ZNF385D: variants seen among roughly 807,000 people sequenced by gnomAD.
ZNF385D encodes zinc finger protein 659.
A neutral mutation model predicts 35.8 loss-of-function variants in ZNF385D; 15 were observed. That is an observed-to-expected ratio of 0.42 (90% CI 0.28 to 0.64). ZNF385D has a LOEUF of 0.64. Among genes scored for constraint, ZNF385D ranks in the 30% least tolerant of loss-of-function variants. The probability of loss-of-function intolerance (pLI) is 0.23; values close to 1 mark genes in which losing one functional copy is unlikely to be tolerated. For missense variants in ZNF385D, 474 were observed against 494.6 expected, an observed-to-expected ratio of 0.96 and a Z score of 0.39; for synonymous variants, 212 against 186.8, an observed-to-expected ratio of 1.13 and a Z score of -1.10.
At chr3:22,056,482 TAGTG>T (rs1006163722) in intron 3 of ZNF385D, among the ~76,000 whole-genome samples, 1 of 152,202 alleles carries the variant, frequency 6.6e-6, no homozygotes, top group South Asian at 2.1e-4. Context: ...GATAAAACTG[TAGTG>T]AGTATTAGGA....
chr3:21,667,112 C>T (rs1481472085), intron 1 of ZNF385D, among the ~76,000 whole-genome samples: 2 of 152,050 alleles, frequency 1.3e-5, no homozygotes, highest in Non-Finnish European at 2.9e-5. Context: ...AAGATTTGGT[C>T]GAAATCAGTG....
At chr3:21,909,119 T>A (rs1699836347) in intron 3 of ZNF385D, among the ~76,000 whole-genome samples, 1 of 152,074 alleles carries the variant, frequency 6.6e-6, no homozygotes, top group South Asian at 2.1e-4. Context: ...ACACAGATGT[T>A]CAATTTCTTT....
intron 4 of ZNF385D, among the ~76,000 whole-genome samples, chr3:21,467,963 A>T (rs1000064790): frequency 1.1e-4 from 16 of 152,238 alleles, no homozygotes; most frequent in African/African-American, 3.9e-4. Context: ...ATAGGTACAA[A>T]TAAGACTTGT....
intron 3 of ZNF385D, among the ~76,000 whole-genome samples, chr3:22,047,968 G>C (rs1460326690): frequency 1.3e-5 from 2 of 152,016 alleles, no homozygotes; most frequent in Admixed American, 1.3e-4. Flanking sequence ...AGCTCATTGT[G>C]GATTTAATTT....
At chr3:21,563,205 ACCATGTGAAAATACAGTGAAAATATG>A (rs1319977514) in intron 3 of ZNF385D, 1 of 152,188 alleles carries the variant, frequency 6.6e-6, no homozygotes, top group African/African-American at 2.4e-5. Context: ...TATCCCTTCC[ACCATGTGAAAATACAGTGAAAATATG>A]CCATGTGGGA....
At chr3:21,669,781 G>A (rs1296349534) in intron 1 of ZNF385D, among the ~76,000 whole-genome samples, 2 of 152,162 alleles carry the variant, frequency 1.3e-5, no homozygotes, top group Non-Finnish European at 2.9e-5. Flanking sequence ...TCTGAAAGCA[G>A]TCAATCAAGA....
intron 1 of ZNF385D, among the ~76,000 whole-genome samples, chr3:21,710,471 T>A (rs1285651178): frequency 6.6e-6 from 1 of 152,206 alleles, no homozygotes; most frequent in Non-Finnish European, 1.5e-5. Flanking sequence ...GTGCACTGGC[T>A]TCTTTTTGTG....
chr3:22,074,101 C>CT (rs1700355470), intron 3 of ZNF385D, among the ~76,000 whole-genome samples: 1 of 151,980 alleles, frequency 6.6e-6, no homozygotes, highest in South Asian at 2.1e-4. Context: ...TCCCAGGATA[C>CT]TTTTTTTCTT....
Position 21,942,174 on chromosome 3 carries a change from T to C in ZNF385D, c.325+226643A>G, listed in dbSNP as rs555552679. Among the ~76,000 whole-genome samples, 83 of 152,330 alleles carry C rather than the reference T, an allele frequency of 5.4e-4. 1 individual carries two copies. The highest frequency in any genetic ancestry group is 9.7e-4 in the Non-Finnish European group (66 of 68,024). On this transcript the variant is annotated intron_variant, in intron 3 of 5. Transcript: ENST00000494108. ...AATTTTATAGCGTAATTTTTAAAAT[T>C]TCTGAAATATTACATTTTAATTTTT...
At chr3:21,676,494 C>T (rs2066734034) in intron 1 of ZNF385D, among the ~76,000 whole-genome samples, 1 of 151,980 alleles carries the variant, frequency 6.6e-6, no homozygotes, top group South Asian at 2.1e-4. Flanking sequence ...AAAGGATTTA[C>T]TTTAAATGGA....
intron 3 of ZNF385D, among the ~76,000 whole-genome samples, chr3:21,884,862 T>C (rs1011724671): frequency 3.3e-5 from 5 of 152,070 alleles, no homozygotes; most frequent in Admixed American, 1.3e-4. Flanking sequence ...TGTTGATTTA[T>C]ACACGAGGAT....
chr3:21,845,855 G>A (rs144204103), intron 3 of ZNF385D, among the ~76,000 whole-genome samples: 33 of 152,042 alleles, frequency 2.2e-4, no homozygotes, highest in African/African-American at 6.0e-4. Flanking sequence ...AAGAAAATAC[G>A]CCTGAATATG....
chr3:22,271,213 T>C (rs376724256), intron 2 of ZNF385D, among the ~76,000 whole-genome samples: 14 of 120,122 alleles, frequency 1.2e-4, no homozygotes, highest in Admixed American at 4.2e-4. Context: ...GCTATTATAG[T>C]CAGGAGACAG....
At chr3:21,949,414 G>C (rs528883132) in intron 3 of ZNF385D, among the ~76,000 whole-genome samples, 1 of 151,838 alleles carries the variant, frequency 6.6e-6, no homozygotes, top group Admixed American at 6.6e-5. Flanking sequence ...TATCTTTATT[G>C]TTGGGCCTCT....
intron 3 of ZNF385D, among the ~76,000 whole-genome samples, chr3:21,834,559 A>G (rs1351920687): frequency 6.6e-6 from 1 of 152,180 alleles, no homozygotes; most frequent in Non-Finnish European, 1.5e-5. Flanking sequence ...TGAATTAAAT[A>G]ACACTGAGCC....
chr3:21,737,148 C>T (rs1179702218), intron 1 of ZNF385D, among the ~76,000 whole-genome samples: 1 of 152,088 alleles, frequency 6.6e-6, no homozygotes, highest in Non-Finnish European at 1.5e-5. Context: ...CCATGTTGGC[C>T]AGGCTGGTCT....
chr3:21,892,121 A>G (rs1698901047), intron 3 of ZNF385D, among the ~76,000 whole-genome samples: 1 of 152,206 alleles, frequency 6.6e-6, no homozygotes, highest in Non-Finnish European at 1.5e-5. Context: ...GTGGGATAGG[A>G]AGCATTCTGA....
intron 3 of ZNF385D, among the ~76,000 whole-genome samples, chr3:22,160,840 T>G (rs1242060483): frequency 6.6e-6 from 1 of 152,110 alleles, no homozygotes; most frequent in South Asian, 2.1e-4. Context: ...GCTGACACGG[T>G]AGGTCAACTT....
At chr3:21,972,002 A>G (rs1205846204) in intron 3 of ZNF385D, among the ~76,000 whole-genome samples, 1 of 152,032 alleles carries the variant, frequency 6.6e-6, no homozygotes, top group African/African-American at 2.4e-5. Flanking sequence ...TCCCAACACA[A>G]TAATAGTTGG....
Sources: allele counts gnomAD v4.1 joint callset (sites outside exome capture counted in the v4.1 genomes callset), GRCh38; gene constraint gnomAD v4.1.1; transcripts MANE v1.5; gene names NCBI Gene and HGNC (gene_info 2026-07-23, HGNC 2026-07-21).